Variants in BBS9 observed in about 807,000 individuals in gnomAD.
The protein encoded by BBS9 is protein PTHB1.
Under a neutral mutation model 117.7 loss-of-function variants are expected in BBS9, and 89 were observed. That is an observed-to-expected ratio of 0.76 (90% CI 0.64 to 0.90). The LOEUF (loss-of-function observed/expected upper bound fraction) is 0.90, where lower values mean the gene tolerates loss of function less well. Ranked by LOEUF, BBS9 falls within the 40% of genes least tolerant of loss-of-function variation. The pLI, the probability that BBS9 is intolerant of heterozygous loss-of-function variation, is 0.00. For missense variants in BBS9, 982 were observed against 1,042.2 expected, an observed-to-expected ratio of 0.94 and a Z score of 0.80; for synonymous variants, 379 against 370.9, an observed-to-expected ratio of 1.02 and a Z score of -0.25.
In BBS9 at chr7:33,450,478, T is replaced by C. The variant is rs561024937; in HGVS notation, c.2116-54985T>C. ...GTTTTTCATAGCAGTTGCACTCTTT[T>C]ACATTCTTACCAACAGTGCACAAGG... On this transcript the variant is annotated intron_variant, in intron 19 of 22. Coordinates refer to ENST00000242067, the MANE Select transcript of BBS9 (RefSeq NM_198428.3). Among the ~76,000 whole-genome samples the C allele has an allele frequency of 3.3e-3, 497 of 152,352 alleles. 2 individuals carry two copies. The highest frequency in any genetic ancestry group is 0.011 in the African/African-American group (478 of 41,584).
At chr7:33,613,812 G>A (rs114898446) in intron 21 of BBS9, among the ~76,000 whole-genome samples, 260 of 152,018 alleles carry the variant, frequency 1.7e-3, no homozygotes, top group African/African-American at 6.1e-3. Flanking sequence ...TCCCCAGTCC[G>A]GGGTTCATTA....
At chr7:33,487,942 C>A (rs1419900) in intron 19 of BBS9, among the ~76,000 whole-genome samples, 118,895 of 152,178 alleles carry the variant, frequency 0.78, 47,357 homozygotes, top group African/African-American at 0.94. Context: ...TATCAATATC[C>A]GAGGTGTGAT....
chr7:33,174,317 T>G (rs1797021391), intron 4 of BBS9, among the ~76,000 whole-genome samples: 1 of 152,220 alleles, frequency 6.6e-6, no homozygotes, highest in Non-Finnish European at 1.5e-5. Flanking sequence ...TTAGAACCTC[T>G]ACTTTGGATC....
intron 21 of BBS9, among the ~76,000 whole-genome samples, chr7:33,574,264 TTTTTTGCTCCAA>T (rs1361006406): frequency 6.6e-6 from 1 of 152,162 alleles, no homozygotes; most frequent in Non-Finnish European, 1.5e-5. Context: ...GGTCCTTTAT[TTTTTTGCTCCAA>T]TTTTTGCTGC....
At chr7:33,392,317 CAT>C (rs1827198913) in intron 19 of BBS9, among the ~76,000 whole-genome samples, 1 of 152,172 alleles carries the variant, frequency 6.6e-6, no homozygotes, top group African/African-American at 2.4e-5. Flanking sequence ...TGGGCTCACT[CAT>C]GTGTCTCTGG....
rs879813984 is a variant in BBS9 at position 33,278,922 on chromosome 7, G to A, written c.1016+4966G>A. The stretch of plus-strand genomic sequence containing the variant: ...AATTCATGACATTGCAGTCGAGAGA[G>A]CATTTAATTGACGCACATCTAGCCA... On this transcript the variant is annotated intron_variant, in intron 9 of 22. Coordinates refer to ENST00000242067, the MANE Select transcript of BBS9 (RefSeq NM_198428.3). Among the ~76,000 whole-genome samples the A allele has an allele frequency of 6.6e-5, 10 of 152,344 alleles. No homozygotes were observed. In the South Asian group the frequency reaches 1.0e-3, roughly 16 times the overall value.
intron 1 of BBS9, among the ~76,000 whole-genome samples, chr7:33,143,438 T>C (rs1185287060): frequency 6.6e-6 from 1 of 152,194 alleles, no homozygotes; most frequent in East Asian, 1.9e-4. Flanking sequence ...GAATATATTT[T>C]TGTTTTTTTT....
intron 17 of BBS9, among the ~76,000 whole-genome samples, chr7:33,375,517 G>A (rs1409532723): frequency 6.6e-6 from 1 of 151,160 alleles, no homozygotes; most frequent in East Asian, 1.9e-4. Context: ...TGGATTTTTG[G>A]TAATCTAAAA....
rs938197989 is a variant in BBS9, at chr7:33,604,948, C to T, written c.2605C>T (p.His869Tyr). Residue 869 changes from histidine (H) to tyrosine (Y), a missense_variant, in exon 22 of 23, where the codon CAT (histidine) becomes TAT (tyrosine). Coordinates refer to ENST00000242067, the MANE Select transcript of BBS9 (RefSeq NM_198428.3). ...DSTELFTNHR[H>Y]LTAETPRPEV... ...TACAGAACTGTTTACCAACCACAGA[C>T]ATCTCACTGCAGAGACACCCAGGCC... is the stretch of plus-strand genomic sequence containing the variant. 8.7e-6 allele frequency: 14 copies of T among 1,612,592 alleles called. No homozygotes were observed. In the African/African-American group the frequency reaches 1.9e-4, roughly 22 times the overall value.
chr7:33,178,610 A>G (rs532896245), intron 5 of BBS9, among the ~76,000 whole-genome samples: 3 of 152,262 alleles, frequency 2.0e-5, no homozygotes, highest in East Asian at 1.9e-4. Context: ...ATATGTATCT[A>G]TGTTCCTGTG....
intron 5 of BBS9, among the ~76,000 whole-genome samples, chr7:33,194,462 G>C (rs1472334747): frequency 2.0e-5 from 3 of 152,040 alleles, no homozygotes; most frequent in African/African-American, 7.2e-5. Context: ...GTGTATGTTT[G>C]CTATTTTCTA....
intron 19 of BBS9, among the ~76,000 whole-genome samples, chr7:33,404,017 G>A (rs1430274121): frequency 6.6e-6 from 1 of 152,172 alleles, no homozygotes; most frequent in Admixed American, 6.5e-5. Flanking sequence ...TCTAACTGGT[G>A]TGAGATGGTA....
chr7:33,388,503 C>T (rs1826449375), intron 19 of BBS9, among the ~76,000 whole-genome samples: 2 of 152,174 alleles, frequency 1.3e-5, no homozygotes, highest in South Asian at 4.1e-4. Context: ...ATTCTTGGTG[C>T]ATTCCATAAT....
intron 19 of BBS9, among the ~76,000 whole-genome samples, chr7:33,403,630 A>T (rs1829359696): frequency 6.6e-6 from 1 of 151,438 alleles, no homozygotes; most frequent in East Asian, 1.9e-4. Context: ...CCATGTCCCT[A>T]CAAAGGACAT....
chr7:33,325,614 G>T (rs2128594233), intron 9 of BBS9, among the ~76,000 whole-genome samples: 1 of 152,226 alleles, frequency 6.6e-6, no homozygotes, highest in South Asian at 2.1e-4. Context: ...GTTTGTACCT[G>T]TCCTTTTTTC....
chr7:33,165,910 G>A (rs1795609613), intron 4 of BBS9, among the ~76,000 whole-genome samples: 1 of 152,186 alleles, frequency 6.6e-6, no homozygotes. Context: ...TGGAGGAGAA[G>A]AGGTGCTCTG....
At chr7:33,276,063 T>C (rs967860210) in intron 9 of BBS9, among the ~76,000 whole-genome samples, 5 of 152,200 alleles carry the variant, frequency 3.3e-5, no homozygotes, top group Non-Finnish European at 5.9e-5. Context: ...ACAATTAATA[T>C]ATAAAAATAA....
At chr7:33,331,491 G>A (rs1034293224) in intron 9 of BBS9, among the ~76,000 whole-genome samples, 10 of 152,076 alleles carry the variant, frequency 6.6e-5, no homozygotes, top group African/African-American at 2.4e-4. Context: ...TTTGCTGATA[G>A]TATGATTGTA....
chr7:33,457,843 A>G (rs1252638018), intron 19 of BBS9, among the ~76,000 whole-genome samples: 1 of 152,202 alleles, frequency 6.6e-6, no homozygotes, highest in Non-Finnish European at 1.5e-5. Flanking sequence ...CTTTTAGTCA[A>G]TGCTCTTAAA....
Sources: allele counts gnomAD v4.1 joint callset (sites outside exome capture counted in the v4.1 genomes callset), GRCh38; gene constraint gnomAD v4.1.1; transcripts MANE v1.5; gene names NCBI Gene and HGNC (gene_info 2026-07-23, HGNC 2026-07-21).